SPIDR: variants seen among roughly 807,000 people sequenced by gnomAD.
SPIDR encodes the protein scaffold protein involved in DNA repair.
Under a neutral mutation model 104.6 loss-of-function variants are expected in SPIDR, and 93 were observed. The ratio of observed to expected loss-of-function variants is 0.89; its 90% CI spans 0.75 to 1.06. The LOEUF is 1.06. Ranked by LOEUF, SPIDR falls within the 50% of genes least tolerant of loss-of-function variation. The pLI is 0.00. For missense variants in SPIDR, 1,154 were observed against 1,111.2 expected (o/e 1.04, Z -0.55); for synonymous variants, 431 against 416.9 (o/e 1.03, Z -0.41).
Position 47,688,016 on chromosome 8 carries a change from AGTGT to A in SPIDR, c.1686-12361_1686-12358del, listed in dbSNP as rs141582845. On this transcript the variant is annotated intron_variant, in intron 11 of 19. Transcript: ENST00000297423. ...TGAGACCTGGCTGTCAAAAAAAAAAAGTGTGTGTGTGTGTGTGTGTGTGTGTGTG... is the reference window on the plus strand; with the variant it reads ...TGAGACCTGGCTGTCAAAAAAAAAAAGTGTGTGTGTGTGTGTGTGTGTGTG... 7.1e-3 allele frequency among the ~76,000 whole-genome samples: 1,030 copies of A among 145,746 alleles called. 10 individuals are homozygous for A. Among genetic ancestry groups the A allele is most frequent in the African/African-American group, 0.021 (836 of 39,844 alleles).
intron 7 of SPIDR, among the ~76,000 whole-genome samples, chr8:47,420,768 A>G (rs574100532): frequency 8.5e-5 from 13 of 152,124 alleles, no homozygotes; most frequent in Admixed American, 6.5e-4. Context: ...ATTCCTTTTC[A>G]TGTTTAGTGC....
chr8:47,318,468 T>C (rs1368073859), intron 5 of SPIDR, among the ~76,000 whole-genome samples: 5 of 149,458 alleles, frequency 3.3e-5, no homozygotes, highest in South Asian at 2.1e-4. Context: ...CTACGTCTCA[T>C]TGGTGTACCT....
intron 5 of SPIDR, among the ~76,000 whole-genome samples, chr8:47,315,640 A>G (rs2045192701): frequency 6.6e-6 from 1 of 152,178 alleles, no homozygotes. Flanking sequence ...TTCAAGATTT[A>G]CTCTAATAAT....
At chr8:47,279,643 C>G (rs1406924326) in intron 1 of SPIDR, among the ~76,000 whole-genome samples, 1 of 152,114 alleles carries the variant, frequency 6.6e-6, no homozygotes, top group Non-Finnish European at 1.5e-5. Context: ...TTTGTCTTTA[C>G]CCACTTGTGT....
intron 10 of SPIDR, among the ~76,000 whole-genome samples, chr8:47,610,226 C>T (rs1301938057): frequency 1.3e-5 from 2 of 152,186 alleles, no homozygotes; most frequent in African/African-American, 2.4e-5. Context: ...ACCCCCACCC[C>T]ATTCCTGCAG....
chr8:47,645,903 G>C (rs543667290), intron 10 of SPIDR, among the ~76,000 whole-genome samples: 1 of 152,184 alleles, frequency 6.6e-6, no homozygotes, highest in African/African-American at 2.4e-5. Context: ...AGAAGAAATA[G>C]TGGGAGAAGT....
At chr8:47,351,255 A>C (rs559257701) in intron 5 of SPIDR, among the ~76,000 whole-genome samples, 19 of 152,256 alleles carry the variant, frequency 1.2e-4, no homozygotes, top group Non-Finnish European at 1.5e-5. Flanking sequence ...ATCTATGGTG[A>C]ATATAGCGTT....
chr8:47,625,602 CAGAG>C (rs1311728846), intron 10 of SPIDR, among the ~76,000 whole-genome samples: 4,195 of 152,154 alleles, frequency 0.028, 192 homozygotes, highest in African/African-American at 0.094. Flanking sequence ...AACAGGCAAA[CAGAG>C]AGCCAAATCA....
At chr8:47,705,758 G>T (rs1260284516) in intron 14 of SPIDR, among the ~76,000 whole-genome samples, 1 of 152,096 alleles carries the variant, frequency 6.6e-6, no homozygotes, top group Non-Finnish European at 1.5e-5. Flanking sequence ...TTAAAAATTA[G>T]CCAGGCATGG....
At chr8:47,467,360 C>T (rs888488184) in intron 8 of SPIDR, among the ~76,000 whole-genome samples, 4 of 152,272 alleles carry the variant, frequency 2.6e-5, no homozygotes, top group South Asian at 4.1e-4. Context: ...CCATCTCATT[C>T]TATGAGGCCA....
At chr8:47,404,608 C>G (rs2062449723) in intron 6 of SPIDR, among the ~76,000 whole-genome samples, 1 of 152,222 alleles carries the variant, frequency 6.6e-6, no homozygotes, top group Non-Finnish European at 1.5e-5. Context: ...AAATGCTCAT[C>G]ATCACTGGCC....
intron 5 of SPIDR, among the ~76,000 whole-genome samples, chr8:47,383,730 C>T (rs2059582065): frequency 6.6e-6 from 1 of 152,160 alleles, no homozygotes; most frequent in South Asian, 2.1e-4. Flanking sequence ...TCTATACATC[C>T]ACCTGCAGGC....
At chr8:47,564,543 G>A (rs1403963900) in intron 8 of SPIDR, among the ~76,000 whole-genome samples, 2 of 152,156 alleles carry the variant, frequency 1.3e-5, no homozygotes, top group African/African-American at 4.8e-5. Context: ...AGCTGGGTGT[G>A]GTGGCACATG....
intron 8 of SPIDR, among the ~76,000 whole-genome samples, chr8:47,487,711 C>A (rs1554732806): frequency 6.6e-6 from 1 of 152,160 alleles, no homozygotes; most frequent in Non-Finnish European, 1.5e-5. Context: ...TCACTCAAAA[C>A]CACTCAACTA....
At chr8:47,591,481 C>T (rs1178078501) in intron 8 of SPIDR, among the ~76,000 whole-genome samples, 3 of 150,986 alleles carry the variant, frequency 2.0e-5, no homozygotes, top group African/African-American at 7.3e-5. Context: ...TAACAAAAAA[C>T]ATTTTACTAA....
At chr8:47,417,761 A>G (rs540460412) in intron 7 of SPIDR, among the ~76,000 whole-genome samples, 41 of 152,250 alleles carry the variant, frequency 2.7e-4, no homozygotes, top group Non-Finnish European at 4.4e-4. Flanking sequence ...TTTTAGGTCT[A>G]ACATGTAAGT....
At chr8:47,263,621 G>A (rs1417139832) in intron 1 of SPIDR, among the ~76,000 whole-genome samples, 1 of 152,168 alleles carries the variant, frequency 6.6e-6, no homozygotes, top group African/African-American at 2.4e-5. Flanking sequence ...GCCCGGCCAT[G>A]AAATCTTAAT....
At chr8:47,325,781 AG>A (rs1201765705) in intron 5 of SPIDR, among the ~76,000 whole-genome samples, 1 of 152,084 alleles carries the variant, frequency 6.6e-6, no homozygotes, top group Non-Finnish European at 1.5e-5. Flanking sequence ...TGATGTCCTG[AG>A]GTGGGATCAT....
In SPIDR at chr8:47,355,803, T is replaced by A. The variant is rs371027091; in HGVS notation, c.526-40573T>A. 8.9e-4 allele frequency among the ~76,000 whole-genome samples: 135 copies of A among 152,356 alleles called. 1 individual carries two copies. Among genetic ancestry groups the A allele is most frequent in the Middle Eastern group, 3.4e-3 (1 of 294 alleles). ...CCTCTAAACACTATTAAATATTTTTTAAATGTAGATTGAATGTGCATAGAT... is the reference window on the plus strand; with the variant it reads ...CCTCTAAACACTATTAAATATTTTTAAAATGTAGATTGAATGTGCATAGAT... On this transcript the variant is annotated intron_variant, in intron 5 of 19. Coordinates refer to ENST00000297423, the MANE Select transcript of SPIDR (RefSeq NM_001080394.4).
Sources: allele counts gnomAD v4.1 joint callset (sites outside exome capture counted in the v4.1 genomes callset), GRCh38; gene constraint gnomAD v4.1.1; transcripts MANE v1.5; gene names NCBI Gene and HGNC (gene_info 2026-07-23, HGNC 2026-07-21).